Variants in GAD1 observed in about 807,000 individuals in gnomAD.
GAD1 encodes glutamate decarboxylase 1, also known as 67 kDa glutamic acid decarboxylase.
In GAD1, 35 loss-of-function variants were observed where a neutral mutation model predicts 75.2. The observed-to-expected ratio is 0.47, with a 90% CI of 0.36 to 0.62. The LOEUF (loss-of-function observed/expected upper bound fraction) is 0.62, where lower values mean the gene tolerates loss of function less well. Among genes scored for constraint, GAD1 ranks in the 20% least tolerant of loss-of-function variants. The probability of loss-of-function intolerance (pLI) is 0.00; values close to 1 mark genes in which losing one functional copy is unlikely to be tolerated. For synonymous variants in GAD1, 257 were observed against 271.9 expected, an observed-to-expected ratio of 0.95 and a Z score of 0.54; for missense variants, 490 against 758.5, an observed-to-expected ratio of 0.65 and a Z score of 4.16.
rs1175687697 is a variant in GAD1 at position 170,825,044 on chromosome 2, T to G, written c.145+2895T>G. Among the ~76,000 whole-genome samples, 8 of 151,558 alleles carry G rather than the reference T, an allele frequency of 5.3e-5. No individual in the cohort carries two copies. The South Asian group carries it at 1.7e-3, about 32-fold the overall frequency. The stretch of plus-strand genomic sequence containing the variant: ...TTTTCTGGTTTCTCTTGAAAAAACT[T>G]GGGGGTGGGCAATGGGGAGGGAAAC... On this transcript the variant is annotated intron_variant, in intron 3 of 16. Transcript: ENST00000358196.
chr2:170,816,209 G>T (rs750714572), upstream of GAD1: 1 of 152,480 alleles, frequency 6.6e-6, no homozygotes, highest in East Asian at 1.9e-4. Flanking sequence ...TAGCAAAAGG[G>T]ACGCGGGGTC....
intron 1 of GAD1, chr2:170,817,952 CT>C: frequency 6.5e-6 from 1 of 153,444 alleles, no homozygotes; most frequent in Non-Finnish European, 1.5e-5. Flanking sequence ...AGATATGGGC[CT>C]TTTTCCCCCT....
chr2:170,844,652 G>A (rs1360754727), intron 7 of GAD1, among the ~76,000 whole-genome samples: 1 of 151,850 alleles, frequency 6.6e-6, no homozygotes, highest in African/African-American at 2.4e-5. Context: ...GATTATGCTG[G>A]GGATCAGTGA....
In GAD1 at chr2:170,818,846, G is replaced by T. The variant is rs1001066832; in HGVS notation, c.82+173G>T. Among the ~76,000 whole-genome samples, 1 of 152,176 alleles carries T rather than the reference G, an allele frequency of 6.6e-6. No individual in the cohort carries two copies. Among genetic ancestry groups the T allele is most frequent in the African/African-American group, 2.4e-5 (1 of 41,448 alleles). On this transcript the variant is annotated intron_variant, in intron 2 of 16. Coordinates refer to ENST00000358196, the MANE Select transcript of GAD1 (RefSeq NM_000817.3). This position sits in a 1 kb window ranked among gnomAD's most constrained non-coding sequence, Gnocchi z 5.9. ...CAGAGGTCATTCGGCTGTCAGGGAC[G>T]CTAGGTGACTCCCAGGGCACCGGAA...
chr2:170,820,136 C>CTT (rs1292970795), intron 2 of GAD1, among the ~76,000 whole-genome samples: 4 of 152,056 alleles, frequency 2.6e-5, no homozygotes, highest in African/African-American at 9.7e-5. Context: ...TTTTCTGACG[C>CTT]TTTCCACATT....
chr2:170,814,686 A>G (rs1701664939), upstream of GAD1, among the ~76,000 whole-genome samples: 1 of 152,220 alleles, frequency 6.6e-6, no homozygotes, highest in Admixed American at 6.5e-5. Flanking sequence ...ATTCTAAACA[A>G]GGACGGACAA....
chr2:170,838,996 G>A (rs1231771331), intron 6 of GAD1, among the ~76,000 whole-genome samples: 1 of 152,236 alleles, frequency 6.6e-6, no homozygotes, highest in African/African-American at 2.4e-5. Context: ...TCTAGAAATT[G>A]TTCTAAGCCA....
chr2:170,846,504 ACT>A (rs934656934), intron 10 of GAD1, among the ~76,000 whole-genome samples: 1 of 152,188 alleles, frequency 6.6e-6, no homozygotes, highest in African/African-American at 2.4e-5. Context: ...GCCTCAACAA[ACT>A]CTATTAAACA....
intron 6 of GAD1, chr2:170,842,550 C>T (rs1274241837): frequency 1.2e-6 from 2 of 1,612,196 alleles, no homozygotes; most frequent in Non-Finnish European, 1.7e-6. Context: ...GAATCCTTCT[C>T]TTCTTCTTCC....
At chr2:170,851,665 C>T (rs901945963) in intron 12 of GAD1, among the ~76,000 whole-genome samples, 1 of 152,210 alleles carries the variant, frequency 6.6e-6, no homozygotes, top group African/African-American at 2.4e-5. Context: ...TATTAAAATG[C>T]AGCACCTAGC....
At chr2:170,856,323 A>G (rs989734869) in intron 14 of GAD1, among the ~76,000 whole-genome samples, 1 of 152,220 alleles carries the variant, frequency 6.6e-6, no homozygotes, top group African/African-American at 2.4e-5. Flanking sequence ...CAGGGCATAT[A>G]CTGAGACCAA....
intron 4 of GAD1, among the ~76,000 whole-genome samples, chr2:170,830,495 C>T (rs1702194481): frequency 6.6e-6 from 1 of 152,234 alleles, no homozygotes; most frequent in African/African-American, 2.4e-5. Context: ...CCGCCAAGGA[C>T]CACCCTCCTC....
chr2:170,841,775 A>C (rs981857763), intron 6 of GAD1, among the ~76,000 whole-genome samples: 4 of 152,150 alleles, frequency 2.6e-5, no homozygotes, highest in Non-Finnish European at 5.9e-5. Context: ...TGTCAGGCCT[A>C]AGCTAATAAG....
chr2:170,858,426 A>G (rs1702897681), intron 15 of GAD1, among the ~76,000 whole-genome samples: 1 of 152,232 alleles, frequency 6.6e-6, no homozygotes, highest in Admixed American at 6.5e-5. Context: ...TAATAAACTC[A>G]ATAAAATATT....
chr2:170,844,407 C>CTTTTTTTTTTTTTTT (rs11327360), intron 7 of GAD1, among the ~76,000 whole-genome samples: 5 of 124,510 alleles, frequency 4.0e-5, no homozygotes, highest in Non-Finnish European at 6.7e-5. Flanking sequence ...TTTCTTTTTT[C>CTTTTTTTTTTTTTTT]TTTTTTTTTT....
chr2:170,856,156 C>T (rs964241270), intron 14 of GAD1, among the ~76,000 whole-genome samples: 1 of 152,154 alleles, frequency 6.6e-6, no homozygotes, highest in East Asian at 1.9e-4. Context: ...GGACTTTGCT[C>T]AGGCCCATTA....
In GAD1 at chr2:170,829,575, C is replaced by T. The variant is rs766490561; in HGVS notation, c.246C>T (p.Ser82=). ...SSKNLLSCEN[S]DRDARFRRTE... is the part of the protein sequence containing the mutation. ...AGAACCTGCTTTCCTGTGAAAACAG[C>T]GACCGGGATGCCCGCTTCCGGCGCA... The change falls in exon 4 of 17, where the codon AGC becomes AGT. Residue 82 remains serine (S), a synonymous_variant. Transcript: ENST00000358196. 9.3e-6 allele frequency: 15 copies of T among 1,613,900 alleles called. No individual in the cohort carries two copies. Among genetic ancestry groups the T allele is most frequent in the East Asian group, 6.7e-5 (3 of 44,888 alleles).
intron 4 of GAD1, 150 bp from the exon 5 acceptor site, chr2:170,830,800 A>C (rs1176130001): frequency 1.0e-6 from 1 of 957,616 alleles, no homozygotes; most frequent in African/African-American, 1.6e-5. Context: ...ATTTTTCTGG[A>C]GATGTGGTAT....
At chr2:170,854,561 C>T (rs1702811854) in intron 14 of GAD1, among the ~76,000 whole-genome samples, 2 of 152,044 alleles carry the variant, frequency 1.3e-5, no homozygotes, top group South Asian at 2.1e-4. Context: ...CCACTACGCC[C>T]GGCTAATTTT....
Sources: allele counts gnomAD v4.1 joint callset (sites outside exome capture counted in the v4.1 genomes callset), GRCh38; gene constraint gnomAD v4.1.1; non-coding constraint Gnocchi (gnomAD v3.1); transcripts MANE v1.5; gene names NCBI Gene and HGNC (gene_info 2026-07-23, HGNC 2026-07-21).